Variants in NBAS observed in about 807,000 individuals in gnomAD.
NBAS encodes the protein NBAS subunit of NRZ tethering complex, also known as NAG/BC035112 fusion.
A neutral mutation model predicts 302.5 loss-of-function variants in NBAS; 219 were observed. That is an observed-to-expected ratio of 0.72 (90% CI 0.65 to 0.81). NBAS has a LOEUF of 0.81. NBAS is among the 30% of genes least tolerant of loss of function. The pLI, the probability that NBAS is intolerant of heterozygous loss-of-function variation, is 0.00. For synonymous variants in NBAS, 1,118 were observed against 1,021.6 expected (o/e 1.09, Z -1.80); for missense variants, 2,932 against 2,841.6 (o/e 1.03, Z -0.72).
intron 28 of NBAS, among the ~76,000 whole-genome samples, chr2:15,390,887 G>A (rs1020654905): frequency 2.0e-5 from 3 of 152,096 alleles, no homozygotes; most frequent in Non-Finnish European, 4.4e-5. Context: ...GGCCGAGGCA[G>A]GTGGATCACC....
intron 23 of NBAS, among the ~76,000 whole-genome samples, chr2:15,422,010 C>G (rs2148473427): frequency 6.6e-6 from 1 of 152,298 alleles, no homozygotes; most frequent in African/African-American, 2.4e-5. Flanking sequence ...CAGATTCACT[C>G]TTAGTGCTGT....
chr2:14,893,854 A>T, the NBAS span, among the ~76,000 whole-genome samples: 2 of 152,228 alleles, frequency 1.3e-5, no homozygotes, highest in African/African-American at 4.8e-5. Flanking sequence ...CTTCAAGCTT[A>T]GGGGTGACAA....
Position 15,327,661 on chromosome 2 carries a change from T to C in NBAS, c.4582+89A>G, listed in dbSNP as rs376971198. On this transcript the variant is annotated intron_variant, in intron 38 of 51. Coordinates refer to ENST00000281513, the MANE Select transcript of NBAS (RefSeq NM_015909.4). ...ATTCAAAATTACTGAAAAATTTCTT[T>C]TCCAAACTCTTGTTCATTCACAAAT... 203 of 1,507,944 alleles carry C rather than the reference T, an allele frequency of 1.3e-4. No individual in the cohort carries two copies. The African/African-American group carries it at 2.4e-3, about 18-fold the overall frequency. The allele number at this position is 1,507,944 out of a possible 1,614,324, so 93.4% of individuals were successfully genotyped here. A position where few individuals can be genotyped will look rare whatever the true frequency, so the allele number is the denominator to read the frequency against.
At chr2:14,916,818 T>C in the NBAS span, among the ~76,000 whole-genome samples, 3 of 152,202 alleles carry the variant, frequency 2.0e-5, no homozygotes, top group Admixed American at 2.0e-4. Context: ...TTTCCAGTTG[T>C]CCCAGCAAAG....
At chr2:15,511,435 G>A (rs1467739363) in intron 9 of NBAS, 85 bp from the exon 10 acceptor site, 4 of 1,274,828 alleles carry the variant, frequency 3.1e-6, no homozygotes, top group Non-Finnish European at 4.5e-6. Flanking sequence ...GTCACCTTGA[G>A]AAAGAAAATT....
chr2:15,223,398 G>T (rs1041492141), intron 47 of NBAS, among the ~76,000 whole-genome samples: 1 of 151,942 alleles, frequency 6.6e-6, no homozygotes, highest in Non-Finnish European at 1.5e-5. Flanking sequence ...GTAAAAAACC[G>T]CAATTATAAC....
chr2:15,025,037 T>C, the NBAS span, among the ~76,000 whole-genome samples: 1 of 152,150 alleles, frequency 6.6e-6, no homozygotes, highest in African/African-American at 2.4e-5. Context: ...AAATCTTTGC[T>C]AGTTCCAATG....
At chr2:15,339,465 T>A (rs1480684222) in intron 35 of NBAS, among the ~76,000 whole-genome samples, 1 of 152,154 alleles carries the variant, frequency 6.6e-6, no homozygotes, top group African/African-American at 2.4e-5. Flanking sequence ...ACTCATCACA[T>A]CCATATCTTA....
the NBAS span, among the ~76,000 whole-genome samples, chr2:14,811,162 C>T: frequency 1.3e-5 from 2 of 152,146 alleles, no homozygotes; most frequent in Admixed American, 1.3e-4. Context: ...AATCCCAACA[C>T]TTTGGGAGAC....
chr2:15,201,473 C>CA, intron 48 of NBAS, among the ~76,000 whole-genome samples: 1 of 152,138 alleles, frequency 6.6e-6, no homozygotes, highest in Non-Finnish European at 1.5e-5. Context: ...AAGACCAAAA[C>CA]CAGTCATAAG....
At chr2:15,274,176 T>C (rs1469587353) in intron 44 of NBAS, among the ~76,000 whole-genome samples, 1 of 152,206 alleles carries the variant, frequency 6.6e-6, no homozygotes, top group Non-Finnish European at 1.5e-5. Context: ...CCAAGATATA[T>C]TACTAGGGTT....
the NBAS span, among the ~76,000 whole-genome samples, chr2:14,810,880 T>A: frequency 6.6e-6 from 1 of 152,070 alleles, no homozygotes; most frequent in East Asian, 1.9e-4. Flanking sequence ...TAAAAAAAAA[T>A]CCTGTATTTT....
the NBAS span, among the ~76,000 whole-genome samples, chr2:15,034,264 G>GAAAC: frequency 4.0e-5 from 4 of 99,236 alleles, no homozygotes; most frequent in South Asian, 1.0e-3. Flanking sequence ...AAGAAAGAAA[G>GAAAC]AAAGAAAGAA....
At chr2:15,341,785 A>C (rs1253633323) in intron 35 of NBAS, among the ~76,000 whole-genome samples, 1 of 152,180 alleles carries the variant, frequency 6.6e-6, no homozygotes, top group Non-Finnish European at 1.5e-5. Flanking sequence ...CCTGCATATC[A>C]AGCTATCAAA....
chr2:14,870,545 A>T, the NBAS span, among the ~76,000 whole-genome samples: 1 of 152,210 alleles, frequency 6.6e-6, no homozygotes, highest in Non-Finnish European at 1.5e-5. Flanking sequence ...TTAGCCCAGA[A>T]TAAAGGTGGC....
At chr2:15,149,199 G>T in the NBAS span, among the ~76,000 whole-genome samples, 1 of 152,096 alleles carries the variant, frequency 6.6e-6, no homozygotes, top group Non-Finnish European at 1.5e-5. Flanking sequence ...CACAGGAGTG[G>T]GCTTCTGATA....
intron 11 of NBAS, among the ~76,000 whole-genome samples, chr2:15,503,420 A>G (rs1039497939): frequency 1.3e-5 from 2 of 152,246 alleles, no homozygotes; most frequent in Non-Finnish European, 1.5e-5. Context: ...CAGGTCCTAC[A>G]GGGAAAGAAA....
chr2:15,070,651 G>A, the NBAS span, among the ~76,000 whole-genome samples: 1 of 152,014 alleles, frequency 6.6e-6, no homozygotes, highest in Admixed American at 6.5e-5. Flanking sequence ...CTCACACTAG[G>A]GGGCCTATTC....
At position 15,285,099 on chromosome 2, in the gene NBAS, T is replaced by C. The variant is rs149293560; in HGVS notation, c.5138+1974A>G. Reference sequence around the variant, plus strand: ...TTTTTAAATGCCAGTGTGTGTATCATAAGAAATATTTATTTGAACATATTA... The same window carrying C: ...TTTTTAAATGCCAGTGTGTGTATCACAAGAAATATTTATTTGAACATATTA... On this transcript the variant is annotated intron_variant, in intron 42 of 51. Transcript: ENST00000281513. 5.1e-3 allele frequency among the ~76,000 whole-genome samples: 783 copies of C among 152,346 alleles called. 3 individuals are homozygous for C. Among genetic ancestry groups the C allele is most frequent in the African/African-American group, 0.016 (668 of 41,580 alleles).
Sources: allele counts gnomAD v4.1 joint callset (sites outside exome capture counted in the v4.1 genomes callset), GRCh38; gene constraint gnomAD v4.1.1; transcripts MANE v1.5; gene names NCBI Gene and HGNC (gene_info 2026-07-23, HGNC 2026-07-21).